Variants in VDAC1 observed in about 807,000 individuals in gnomAD.
VDAC1 encodes the protein non-selective voltage-gated ion channel VDAC1.
Under a neutral mutation model 34.7 loss-of-function variants are expected in VDAC1, and 10 were observed. That is an observed-to-expected ratio of 0.29 (90% CI 0.18 to 0.49). The LOEUF is 0.49. VDAC1 is among the 20% of genes least tolerant of loss of function. The pLI is 0.99. For synonymous variants in VDAC1, 130 were observed against 136.0 expected (o/e 0.96, Z 0.30); for missense variants, 230 against 347.9 (o/e 0.66, Z 2.69).
intron 5 of VDAC1, among the ~76,000 whole-genome samples, chr5:133,984,810 C>T (rs930560146): frequency 2.0e-5 from 3 of 152,074 alleles, no homozygotes; most frequent in African/African-American, 4.8e-5. Flanking sequence ...GTGGTGCACA[C>T]CTGTAGTCCC....
intron 1 of VDAC1, among the ~76,000 whole-genome samples, chr5:133,998,941 G>A (rs1252901818): frequency 6.6e-6 from 1 of 152,194 alleles, no homozygotes; most frequent in Admixed American, 6.5e-5. Flanking sequence ...GCTCAGGGCG[G>A]TTCCTGCACT....
the VDAC1 span, among the ~76,000 whole-genome samples, chr5:134,044,089 T>C: frequency 2.0e-5 from 3 of 152,176 alleles, no homozygotes; most frequent in African/African-American, 4.8e-5. Flanking sequence ...GAGCAGGCGA[T>C]GTTTTTGCTC....
chr5:134,067,923 G>A, the VDAC1 span, among the ~76,000 whole-genome samples: 1 of 152,208 alleles, frequency 6.6e-6, no homozygotes, highest in South Asian at 2.1e-4. Flanking sequence ...TTCAAGACCA[G>A]CCTGGCCAAC....
chr5:133,983,486 T>C (rs886240760), intron 5 of VDAC1, among the ~76,000 whole-genome samples: 8 of 152,072 alleles, frequency 5.3e-5, no homozygotes, highest in Admixed American at 5.2e-4. Flanking sequence ...AGCTGTGTGA[T>C]AGGAATAGAA....
At chr5:134,052,740 G>A in the VDAC1 span, among the ~76,000 whole-genome samples, 3 of 152,122 alleles carry the variant, frequency 2.0e-5, no homozygotes, top group Non-Finnish European at 4.4e-5. Flanking sequence ...CGCTGTGCTA[G>A]GTGCTCTACA....
Position 133,973,728 on chromosome 5 carries a change from A to G in VDAC1, c.760+63T>C. ...CATTTTATAAGCAATGACATAAATC[A>G]GCAAACCAGCACCACAATTTTTTTA... is the stretch of plus-strand genomic sequence containing the variant. On this transcript the variant is annotated intron_variant, in intron 8 of 8. Coordinates refer to ENST00000265333, the MANE Select transcript of VDAC1 (RefSeq NM_003374.3). 1.1e-5 allele frequency: 17 copies of G among 1,494,054 alleles called. No individual in the cohort carries two copies. In the South Asian group the frequency reaches 1.9e-4, roughly 17 times the overall value. The allele number at this position is 1,494,054 out of a possible 1,614,324, so 92.5% of individuals were successfully genotyped here. A position where few individuals can be genotyped will look rare whatever the true frequency, so the allele number is the denominator to read the frequency against.
chr5:134,097,928 G>GCTCTAGTT, the VDAC1 span, among the ~76,000 whole-genome samples: 7 of 151,744 alleles, frequency 4.6e-5, no homozygotes, highest in Non-Finnish European at 1.0e-4. Flanking sequence ...GGAGTGCAAC[G>GCTCTAGTT]GCAAGATCTC....
chr5:134,065,938 C>T, the VDAC1 span, among the ~76,000 whole-genome samples: 22 of 151,536 alleles, frequency 1.5e-4, no homozygotes, highest in African/African-American at 4.6e-4. Flanking sequence ...GGATTACAGG[C>T]CCCCGCCACC....
chr5:134,067,679 G>A, the VDAC1 span, among the ~76,000 whole-genome samples: 1 of 147,388 alleles, frequency 6.8e-6, no homozygotes, highest in Non-Finnish European at 1.5e-5. Context: ...GGGCGAGGGA[G>A]GAGAGGGGGA....
At chr5:134,029,371 A>AT in the VDAC1 span, among the ~76,000 whole-genome samples, 1 of 152,212 alleles carries the variant, frequency 6.6e-6, no homozygotes, top group African/African-American at 2.4e-5. Flanking sequence ...CTTTGGGGTA[A>AT]TTTATTATGC....
the VDAC1 span, among the ~76,000 whole-genome samples, chr5:134,034,074 A>T: frequency 6.6e-6 from 1 of 152,168 alleles, no homozygotes; most frequent in East Asian, 1.9e-4. Context: ...GAAAAAAGCT[A>T]ATCTATGTAA....
the VDAC1 span, among the ~76,000 whole-genome samples, chr5:134,079,827 C>T: frequency 6.6e-6 from 1 of 152,242 alleles, no homozygotes; most frequent in African/African-American, 2.4e-5. Flanking sequence ...CCCTAACTTT[C>T]ACCCCAAGAA....
the VDAC1 span, among the ~76,000 whole-genome samples, chr5:134,042,752 G>T: frequency 6.6e-6 from 1 of 152,202 alleles, no homozygotes; most frequent in African/African-American, 2.4e-5. Flanking sequence ...CTCCCAAAGT[G>T]CTGGGGATTA....
intron 3 of VDAC1, 89 bp downstream of exon 3, chr5:133,992,217 C>A (rs1270873067): frequency 3.9e-6 from 4 of 1,034,848 alleles, no homozygotes; most frequent in Non-Finnish European, 5.0e-6. Context: ...GCCTGGGCGA[C>A]AAGAGCAAAA....
chr5:133,997,479 CTT>C (rs1238393970), intron 1 of VDAC1, among the ~76,000 whole-genome samples: 1 of 151,182 alleles, frequency 6.6e-6, no homozygotes, highest in African/African-American at 2.4e-5. Context: ...GGGCGGATCA[CTT>C]CAGGCCAGGA....
chr5:134,016,064 C>T, the VDAC1 span, among the ~76,000 whole-genome samples: 14 of 152,228 alleles, frequency 9.2e-5, no homozygotes, highest in African/African-American at 3.4e-4. Flanking sequence ...GCTAAGATTA[C>T]AGGCATGAGC....
the VDAC1 span, among the ~76,000 whole-genome samples, chr5:134,078,645 A>ATTTTTT: frequency 5.1e-5 from 4 of 78,776 alleles, no homozygotes; most frequent in Admixed American, 1.4e-4. Flanking sequence ...TCCCTCAAGC[A>ATTTTTT]TCTTTTTTTT....
the VDAC1 span, among the ~76,000 whole-genome samples, chr5:134,055,342 G>A: frequency 3.5e-4 from 54 of 152,312 alleles, no homozygotes; most frequent in Admixed American, 9.2e-4. Flanking sequence ...ATTTCCCCGT[G>A]TCTCAGGCGT....
chr5:134,003,138 C>T (rs1189906734), intron 1 of VDAC1, among the ~76,000 whole-genome samples: 6 of 152,190 alleles, frequency 3.9e-5, no homozygotes, highest in African/African-American at 1.4e-4. Context: ...TGCATTTACC[C>T]CCACAGACCC....
Sources: allele counts gnomAD v4.1 joint callset (sites outside exome capture counted in the v4.1 genomes callset), GRCh38; gene constraint gnomAD v4.1.1; transcripts MANE v1.5; gene names NCBI Gene and HGNC (gene_info 2026-07-23, HGNC 2026-07-21).